The following GALNT13 variants were observed in gnomAD, a reference collection of about 807,000 sequenced individuals.
GALNT13 encodes UDP-GalNAc:polypeptide N-acetylgalactosaminyltransferase 13.
In GALNT13, 28 loss-of-function variants were observed where a neutral mutation model predicts 64.2. The observed-to-expected ratio is 0.44, with a 90% CI of 0.32 to 0.60. GALNT13 has a LOEUF of 0.60. GALNT13 is among the 20% of genes least tolerant of loss of function. The probability of loss-of-function intolerance (pLI) is 0.05; values close to 1 mark genes in which losing one functional copy is unlikely to be tolerated. For synonymous variants in GALNT13, 214 were observed against 224.6 expected (o/e 0.95, Z 0.42); for missense variants, 577 against 669.8 (o/e 0.86, Z 1.53).
At chr2:153,762,529 T>A in the GALNT13 span, 1 of 177,424 alleles carries the variant, frequency 5.6e-6, no homozygotes, top group South Asian at 1.5e-4. Context: ...TTCTCTCCAT[T>A]TGGATTTTTA....
At chr2:153,502,804 A>G in the GALNT13 span, among the ~76,000 whole-genome samples, 117 of 152,262 alleles carry the variant, frequency 7.7e-4, 1 homozygote, top group African/African-American at 2.6e-3. Flanking sequence ...TTGGTATCAC[A>G]TTGTGGTTTT....
intron 9 of GALNT13, among the ~76,000 whole-genome samples, chr2:154,373,592 C>T (rs1051039382): frequency 1.3e-5 from 2 of 152,130 alleles, no homozygotes; most frequent in East Asian, 3.9e-4. Context: ...GGACTTTTTG[C>T]CCTCAAAAGA....
At chr2:154,363,034 C>A (rs1259096652) in intron 9 of GALNT13, among the ~76,000 whole-genome samples, 1 of 152,184 alleles carries the variant, frequency 6.6e-6, no homozygotes, top group Non-Finnish European at 1.5e-5. Flanking sequence ...TACTTTAACC[C>A]AGAAATACTT....
chr2:153,152,757 C>A, the GALNT13 span, among the ~76,000 whole-genome samples: 1 of 152,106 alleles, frequency 6.6e-6, no homozygotes, highest in Non-Finnish European at 1.5e-5. Context: ...TTTATGGCTG[C>A]ATAGTATTCC....
chr2:153,424,073 G>A, the GALNT13 span, among the ~76,000 whole-genome samples: 3 of 149,540 alleles, frequency 2.0e-5, no homozygotes, highest in Admixed American at 1.3e-4. Flanking sequence ...TGAACAGATC[G>A]AGCCATGTAT....
At chr2:154,255,930 G>A (rs574837318) in intron 7 of GALNT13, among the ~76,000 whole-genome samples, 8 of 152,082 alleles carry the variant, frequency 5.3e-5, no homozygotes, top group South Asian at 2.1e-4. Context: ...GTGCATGCCC[G>A]TAGTCCCAGC....
chr2:153,122,417 A>T, the GALNT13 span, among the ~76,000 whole-genome samples: 1 of 152,218 alleles, frequency 6.6e-6, no homozygotes, highest in African/African-American at 2.4e-5. Flanking sequence ...TCAGTGAGGC[A>T]GTTGAAGAAA....
chr2:153,071,647 T>C, the GALNT13 span, among the ~76,000 whole-genome samples: 1 of 152,214 alleles, frequency 6.6e-6, no homozygotes, highest in African/African-American at 2.4e-5. Flanking sequence ...AGAAATTGGC[T>C]AATGTTTGTT....
At chr2:154,008,503 G>T (rs1696409502) in intron 3 of GALNT13, among the ~76,000 whole-genome samples, 1 of 151,862 alleles carries the variant, frequency 6.6e-6, no homozygotes, top group Admixed American at 6.6e-5. Context: ...TGTTATGGAG[G>T]GTTGGTAATA....
chr2:153,948,254 G>A (rs911206907), intron 3 of GALNT13, among the ~76,000 whole-genome samples: 3 of 147,854 alleles, frequency 2.0e-5, no homozygotes, highest in Admixed American at 6.8e-5. Context: ...AAAAAAAAAA[G>A]CTCAACATGA....
chr2:154,267,015 A>G (rs1691042961), intron 8 of GALNT13, among the ~76,000 whole-genome samples: 2 of 152,138 alleles, frequency 1.3e-5, no homozygotes, highest in African/African-American at 4.8e-5. Flanking sequence ...ACAAAGGAAC[A>G]GAACTGAAAA....
At chr2:153,975,931 C>T (rs1056940630) in intron 3 of GALNT13, among the ~76,000 whole-genome samples, 1 of 152,002 alleles carries the variant, frequency 6.6e-6, no homozygotes. Context: ...TCACATTGCA[C>T]GTCCTAAATA....
chr2:153,180,594 A>G, the GALNT13 span, among the ~76,000 whole-genome samples: 6 of 152,108 alleles, frequency 3.9e-5, no homozygotes, highest in Non-Finnish European at 8.8e-5. Flanking sequence ...TTTGTTAAGT[A>G]TTGGCATTGT....
At chr2:153,650,832 C>G in the GALNT13 span, among the ~76,000 whole-genome samples, 1 of 152,018 alleles carries the variant, frequency 6.6e-6, no homozygotes, top group Non-Finnish European at 1.5e-5. Context: ...TTACTTTAAA[C>G]AAAATGCACA....
the GALNT13 span, among the ~76,000 whole-genome samples, chr2:153,533,187 GGTAT>G: frequency 1.3e-5 from 2 of 152,054 alleles, no homozygotes; most frequent in African/African-American, 4.8e-5. Flanking sequence ...ATTTGAAAGG[GGTAT>G]AATGATAGGC....
chr2:154,024,563 C>G (rs1157422274), intron 3 of GALNT13, among the ~76,000 whole-genome samples: 2 of 152,160 alleles, frequency 1.3e-5, no homozygotes, highest in African/African-American at 4.8e-5. Context: ...AAGGACTTCT[C>G]TGCGTTGGTT....
At chr2:153,117,929 C>G in the GALNT13 span, among the ~76,000 whole-genome samples, 45 of 152,240 alleles carry the variant, frequency 3.0e-4, no homozygotes, top group African/African-American at 1.1e-3. Context: ...CAAAAGTTTC[C>G]TAGAACTGTC....
At chr2:153,691,153 C>T in the GALNT13 span, among the ~76,000 whole-genome samples, 1 of 152,226 alleles carries the variant, frequency 6.6e-6, no homozygotes, top group Non-Finnish European at 1.5e-5. Context: ...GACCAATCTG[C>T]AACTATGCCC....
chr2:154,079,651 A>G (rs1701170425), intron 3 of GALNT13, among the ~76,000 whole-genome samples: 1 of 151,398 alleles, frequency 6.6e-6, no homozygotes, highest in Non-Finnish European at 1.5e-5. Flanking sequence ...ACCCACATGC[A>G]TGGTGCCCTC....
Sources: gnomAD v4.1 joint callset for allele counts (sites outside exome capture counted in the v4.1 genomes callset) on GRCh38, gnomAD v4.1.1 for gene constraint, MANE v1.5 for transcripts, NCBI Gene and HGNC (gene_info 2026-07-23, HGNC 2026-07-21) for gene names.